BCAT1: variants seen among roughly 807,000 people sequenced by gnomAD.
The protein encoded by BCAT1 is branched-chain-amino-acid aminotransferase, cytosolic.
A neutral mutation model predicts 52.4 loss-of-function variants in BCAT1; 48 were observed. That is an observed-to-expected ratio of 0.92 (90% CI 0.73 to 1.16). The LOEUF (loss-of-function observed/expected upper bound fraction) is 1.16, where lower values mean the gene tolerates loss of function less well. Among genes scored for constraint, BCAT1 ranks in the 50% most tolerant of loss-of-function variants. The probability of loss-of-function intolerance (pLI) is 0.00; values close to 1 mark genes in which losing one functional copy is unlikely to be tolerated. For synonymous variants in BCAT1, 167 were observed against 161.3 expected, an observed-to-expected ratio of 1.04 and a Z score of -0.27; for missense variants, 451 against 457.1, an observed-to-expected ratio of 0.99 and a Z score of 0.12.
At chr12:24,821,274 G>A (rs193220271) in intron 10 of BCAT1, among the ~76,000 whole-genome samples, 29 of 152,226 alleles carry the variant, frequency 1.9e-4, no homozygotes, top group Middle Eastern at 6.8e-3. Context: ...TCTATCTGGT[G>A]ACCTGCAATC....
At chr12:24,935,149 T>C (rs1020546526) in intron 1 of BCAT1, among the ~76,000 whole-genome samples, 3 of 152,164 alleles carry the variant, frequency 2.0e-5, no homozygotes, top group African/African-American at 4.8e-5. Context: ...GTGAGTTGCC[T>C]ATAGGACATC....
intron 5 of BCAT1, among the ~76,000 whole-genome samples, chr12:24,852,618 T>C (rs567737482): frequency 1.3e-5 from 2 of 152,320 alleles, no homozygotes; most frequent in East Asian, 1.9e-4. Context: ...TAGGTGGTAG[T>C]ATACAGAGCA....
rs57512325 is a variant in BCAT1 at position 24,933,109 on chromosome 12, C to CTTT, written c.6+15815_6+15817dup. On this transcript the variant is annotated intron_variant, in intron 1 of 10. Coordinates refer to ENST00000261192, the MANE Select transcript of BCAT1 (RefSeq NM_005504.7). Reference sequence around the variant, plus strand: ...ACAAGCATGAGCCACCACGCCTGGCCTTTTTTTTTTTTTTTTTTTTTTTTT... The same window carrying CTTT: ...ACAAGCATGAGCCACCACGCCTGGCCTTTTTTTTTTTTTTTTTTTTTTTTTTTT... 1.5e-4 allele frequency among the ~76,000 whole-genome samples: 10 copies of CTTT among 68,578 alleles called. 1 individual carries two copies. Among genetic ancestry groups the CTTT allele is most frequent in the African/African-American group, 3.7e-4 (6 of 16,032 alleles). The allele number at this position is 68,578 out of a possible 152,430, so 45.0% of individuals were successfully genotyped here.
rs1939773241 is a variant in BCAT1, at chr12:24,813,716, A to G, written c.*4292T>C. On this transcript the variant is annotated 3_prime_UTR_variant, in exon 11 of 11. Transcript: ENST00000261192. The stretch of plus-strand genomic sequence containing the variant: ...CAACCTTATTAAGTAGTTTTGCACT[A>G]GAAGAAAGGAAGGAATTAAAGAAGG... 1.3e-5 allele frequency: 2 copies of G among 152,110 alleles called. No individual in the cohort carries two copies. The highest frequency in any genetic ancestry group is 4.1e-4 in the South Asian group (2 of 4,834). 9.4% of individuals were successfully genotyped at this position (152,110 alleles called of 1,614,324 possible).
intron 1 of BCAT1, among the ~76,000 whole-genome samples, chr12:24,915,555 A>C (rs1943394109): frequency 6.6e-6 from 1 of 152,204 alleles, no homozygotes; most frequent in African/African-American, 2.4e-5. Flanking sequence ...CATGACTTTC[A>C]ATTAAGTTAC....
At position 24,810,661 on chromosome 12, in the gene BCAT1, A is replaced by C. The variant is rs1330861076; in HGVS notation, c.*7347T>G. On this transcript the variant is annotated 3_prime_UTR_variant, in exon 11 of 11. Transcript: ENST00000261192. Reference sequence around the variant, plus strand: ...GCGTAACTTCTTGAGAGATCTGAATAAAGGCCAATATTTTCACAGGTTGAC... The same window carrying C: ...GCGTAACTTCTTGAGAGATCTGAATCAAGGCCAATATTTTCACAGGTTGAC... 1 of 152,206 alleles carries C rather than the reference A, an allele frequency of 6.6e-6. No individual in the cohort carries two copies. The highest frequency in any genetic ancestry group is 1.5e-5 in the Non-Finnish European group (1 of 68,048). 9.4% of individuals were successfully genotyped at this position (152,206 alleles called of 1,614,324 possible).
chr12:24,908,557 A>G (rs1359965854), intron 1 of BCAT1, among the ~76,000 whole-genome samples: 1 of 152,142 alleles, frequency 6.6e-6, no homozygotes, highest in Non-Finnish European at 1.5e-5. Context: ...CCTGGGCAAC[A>G]TGGTGAAACT....
intron 2 of BCAT1, among the ~76,000 whole-genome samples, chr12:24,895,624 C>T (rs115246768): frequency 7.4e-4 from 112 of 152,020 alleles, no homozygotes; most frequent in African/African-American, 2.6e-3. Flanking sequence ...GGGGCAAGTT[C>T]AACCTGTAAC....
intron 2 of BCAT1, among the ~76,000 whole-genome samples, chr12:24,896,639 C>T (rs532803414): frequency 7.3e-5 from 11 of 151,018 alleles, no homozygotes; most frequent in African/African-American, 2.4e-4. Flanking sequence ...TAGTGGTGGG[C>T]GCCTGTAATC....
intron 1 of BCAT1, among the ~76,000 whole-genome samples, chr12:24,926,494 A>G (rs1009129024): frequency 5.0e-4 from 76 of 152,348 alleles, no homozygotes; most frequent in African/African-American, 1.6e-3. Context: ...CCATGATGAC[A>G]ATGGCGGTTT....
Position 24,846,615 on chromosome 12 carries a change from G to GA in BCAT1, c.674+3170dup, listed in dbSNP as rs553780129. Among the ~76,000 whole-genome samples, 357 of 152,262 alleles carry GA rather than the reference G, an allele frequency of 2.3e-3. 1 individual carries two copies. Among genetic ancestry groups the GA allele is most frequent in the African/African-American group, 7.8e-3 (324 of 41,540 alleles). ...TCCAGGAAATGAAATGAGAAAGTGA[G>GA]AAAACCTCACAACATCAGTGACTGT... On this transcript the variant is annotated intron_variant, in intron 6 of 10. Transcript: ENST00000261192.
intron 3 of BCAT1, among the ~76,000 whole-genome samples, chr12:24,887,575 TAG>T (rs1232310751): frequency 2.0e-5 from 3 of 152,206 alleles, no homozygotes; most frequent in Non-Finnish European, 4.4e-5. Flanking sequence ...AGTAGAAAGA[TAG>T]AGTTTGTGAT....
At chr12:24,941,035 T>A (rs1455503565) in intron 1 of BCAT1, among the ~76,000 whole-genome samples, 2 of 152,364 alleles carry the variant, frequency 1.3e-5, no homozygotes, top group East Asian at 3.9e-4. Flanking sequence ...TGGTTAAGAT[T>A]CCCAAACACA....
chr12:24,904,201 A>C (rs1474546219), intron 1 of BCAT1: 1 of 152,180 alleles, frequency 6.6e-6, no homozygotes, highest in African/African-American at 2.4e-5. Flanking sequence ...TTATAAGATA[A>C]GTTTTGTCCT....
intron 3 of BCAT1, among the ~76,000 whole-genome samples, chr12:24,887,195 A>G (rs1942705835): frequency 6.7e-6 from 1 of 148,786 alleles, no homozygotes; most frequent in Non-Finnish European, 1.5e-5. Flanking sequence ...AGGACAGGCA[A>G]AGGTCATCTG....
At chr12:24,903,731 A>G (rs17315467) in intron 1 of BCAT1, 16,777 of 152,202 alleles carry the variant, frequency 0.11, 1,016 homozygotes, top group Middle Eastern at 0.16. Context: ...TTTCCGATGT[A>G]GGCTCGTGAT....
intron 10 of BCAT1, among the ~76,000 whole-genome samples, chr12:24,818,315 T>C (rs975897899): frequency 3.9e-5 from 6 of 152,230 alleles, no homozygotes; most frequent in Admixed American, 6.5e-5. Flanking sequence ...TTTACAATTA[T>C]TGCTGAACTC....
chr12:24,873,597 C>G (rs1398088542), intron 5 of BCAT1, among the ~76,000 whole-genome samples: 1 of 152,188 alleles, frequency 6.6e-6, no homozygotes, highest in Non-Finnish European at 1.5e-5. Context: ...AAAGCTTGGA[C>G]TATCCCTTAT....
intron 9 of BCAT1, among the ~76,000 whole-genome samples, chr12:24,831,210 C>T (rs1940651115): frequency 6.6e-6 from 1 of 152,132 alleles, no homozygotes; most frequent in African/African-American, 2.4e-5. Flanking sequence ...TTTCCCTTCC[C>T]CATGATTTTC....
Sources: gnomAD v4.1 joint callset for allele counts (sites outside exome capture counted in the v4.1 genomes callset) on GRCh38, gnomAD v4.1.1 for gene constraint, MANE v1.5 for transcripts, NCBI Gene and HGNC (gene_info 2026-07-23, HGNC 2026-07-21) for gene names.